SKAP1: variants seen among roughly 807,000 people sequenced by gnomAD.
SKAP1 encodes src kinase associated phosphoprotein 1, also known as src kinase-associated phosphoprotein 1.
In SKAP1, 44 loss-of-function variants were observed where a neutral mutation model predicts 58.5. That is an observed-to-expected ratio of 0.75 (90% CI 0.59 to 0.97). The LOEUF (loss-of-function observed/expected upper bound fraction) is 0.97. SKAP1 is among the 50% of genes least tolerant of loss of function. The pLI is 0.00. For missense variants in SKAP1, 390 were observed against 435.2 expected, an observed-to-expected ratio of 0.90 and a Z score of 0.92; for synonymous variants, 127 against 149.7, an observed-to-expected ratio of 0.85 and a Z score of 1.11.
rs1441641292 is a variant in SKAP1, at chr17:48,405,450, T to TTTCTTTCTTTCCTTTC, written c.47-8666_47-8665insGAAAGGAAAGAAAGAA. On this transcript the variant is annotated intron_variant, in intron 1 of 12. Transcript: ENST00000336915. ...CTTTCTTTCTTTCTTTCTTTCTTTC[T>TTTCTTTCTTTCCTTTC]TTTCTTTCTTTCTTTCCTTCCTTCC... is the stretch of plus-strand genomic sequence containing the variant. 6.5e-3 allele frequency among the ~76,000 whole-genome samples: 614 copies of TTTCTTTCTTTCCTTTC among 94,054 alleles called. 11 individuals carry two copies. The highest frequency in any genetic ancestry group is 8.1e-3 in the Non-Finnish European group (368 of 45,586). 61.7% of individuals were successfully genotyped at this position (94,054 alleles called of 152,430 possible).
intron 1 of SKAP1, among the ~76,000 whole-genome samples, chr17:48,404,255 C>A (rs2067541078): frequency 6.6e-6 from 1 of 152,048 alleles, no homozygotes; most frequent in East Asian, 1.9e-4. Flanking sequence ...GAGTTCAAGA[C>A]CAGCCTGACC....
At chr17:48,201,152 G>A (rs150033628) in intron 4 of SKAP1, among the ~76,000 whole-genome samples, 14 of 152,208 alleles carry the variant, frequency 9.2e-5, no homozygotes, top group Non-Finnish European at 1.6e-4. Context: ...AAGTTAGCTC[G>A]TATCACAGCG....
intron 4 of SKAP1, among the ~76,000 whole-genome samples, chr17:48,205,774 G>C (rs533066109): frequency 6.6e-6 from 1 of 152,124 alleles, no homozygotes; most frequent in Admixed American, 6.5e-5. Flanking sequence ...AGTTCTAAGG[G>C]AAAATGATTT....
At chr17:48,279,647 G>A (rs1487840994) in intron 4 of SKAP1, among the ~76,000 whole-genome samples, 8 of 152,054 alleles carry the variant, frequency 5.3e-5, no homozygotes, top group Admixed American at 4.6e-4. Context: ...TTCCACTGCC[G>A]AGAAATTGAA....
intron 4 of SKAP1, among the ~76,000 whole-genome samples, chr17:48,284,436 T>G (rs756731245): frequency 6.6e-6 from 1 of 152,148 alleles, no homozygotes; most frequent in Non-Finnish European, 1.5e-5. Context: ...TTCTTTTCAA[T>G]GTACTCAGAG....
chr17:48,224,407 G>A (rs1024712086), intron 4 of SKAP1, among the ~76,000 whole-genome samples: 63 of 152,296 alleles, frequency 4.1e-4, no homozygotes, highest in African/African-American at 1.5e-3. Context: ...GAGAGGCTAG[G>A]AGGTCTCCTC....
chr17:48,244,814 T>C (rs1342242844), intron 4 of SKAP1, among the ~76,000 whole-genome samples: 4 of 152,244 alleles, frequency 2.6e-5, no homozygotes, highest in African/African-American at 9.6e-5. Flanking sequence ...AACTTATATT[T>C]ACATCCAAAC....
chr17:48,397,563 A>G (rs2067437312), intron 1 of SKAP1, among the ~76,000 whole-genome samples: 2 of 152,208 alleles, frequency 1.3e-5, no homozygotes, highest in Admixed American at 1.3e-4. Context: ...TATTATAAAT[A>G]AGTCACAGAA....
intron 4 of SKAP1, among the ~76,000 whole-genome samples, chr17:48,331,571 T>C (rs562041571): frequency 6.6e-6 from 1 of 152,166 alleles, no homozygotes; most frequent in South Asian, 2.1e-4. Context: ...TGGTGGCGCA[T>C]GCCTGTAATC....
At chr17:48,366,443 G>A (rs1470777564) in intron 2 of SKAP1, among the ~76,000 whole-genome samples, 1 of 151,900 alleles carries the variant, frequency 6.6e-6, no homozygotes, top group Non-Finnish European at 1.5e-5. Flanking sequence ...AGTAGCAAAG[G>A]GGAGAGGAAG....
At chr17:48,364,978 G>A (rs2066984044) in intron 2 of SKAP1, among the ~76,000 whole-genome samples, 3 of 151,896 alleles carry the variant, frequency 2.0e-5, no homozygotes, top group Admixed American at 1.3e-4. Context: ...TGACCTGCTG[G>A]GCTCAAGGGA....
chr17:48,339,743 A>G (rs1305340014), intron 4 of SKAP1, among the ~76,000 whole-genome samples: 1 of 152,200 alleles, frequency 6.6e-6, no homozygotes, highest in Non-Finnish European at 1.5e-5. Context: ...ATTAATTCAC[A>G]TACCTCAGTA....
chr17:48,318,956 A>G (rs1338419644), intron 4 of SKAP1, among the ~76,000 whole-genome samples: 1 of 152,250 alleles, frequency 6.6e-6, no homozygotes, highest in Non-Finnish European at 1.5e-5. Context: ...CTTAATGTAA[A>G]TAACCTTCTT....
At chr17:48,322,416 T>C (rs2066378735) in intron 4 of SKAP1, among the ~76,000 whole-genome samples, 1 of 152,196 alleles carries the variant, frequency 6.6e-6, no homozygotes, top group Admixed American at 6.5e-5. Flanking sequence ...ATTACTAGAA[T>C]CTACAATAAA....
intron 4 of SKAP1, among the ~76,000 whole-genome samples, chr17:48,210,717 C>T (rs1420360481): frequency 2.0e-5 from 3 of 152,190 alleles, no homozygotes; most frequent in Admixed American, 2.0e-4. Flanking sequence ...CTGCATAACA[C>T]CATTTAAGAA....
intron 11 of SKAP1, among the ~76,000 whole-genome samples, chr17:48,137,611 C>A (rs760799732): frequency 6.6e-6 from 1 of 152,056 alleles, no homozygotes; most frequent in African/African-American, 2.4e-5. Flanking sequence ...TAAACCAAGC[C>A]GAATGGTATG....
intron 4 of SKAP1, among the ~76,000 whole-genome samples, chr17:48,217,801 G>A (rs760358957): frequency 6.6e-6 from 1 of 152,184 alleles, no homozygotes; most frequent in Non-Finnish European, 1.5e-5. Context: ...ATCAGACCAT[G>A]ATTTGAGGTT....
chr17:48,439,841 G>A, the SKAP1 span, among the ~76,000 whole-genome samples: 1 of 152,208 alleles, frequency 6.6e-6, no homozygotes, highest in African/African-American at 2.4e-5. Flanking sequence ...GTTCTTGCGA[G>A]AAAATGCTTA....
intron 11 of SKAP1, among the ~76,000 whole-genome samples, chr17:48,160,469 AG>A (rs1017933699): frequency 3.9e-5 from 3 of 77,812 alleles, no homozygotes; most frequent in Non-Finnish European, 6.7e-5. Context: ...GAAGGGGAAG[AG>A]GTTTTTTTTT....
Sources: allele counts gnomAD v4.1 joint callset (sites outside exome capture counted in the v4.1 genomes callset), GRCh38; gene constraint gnomAD v4.1.1; transcripts MANE v1.5; gene names NCBI Gene and HGNC (gene_info 2026-07-23, HGNC 2026-07-21).